THRB: variants seen among roughly 807,000 people sequenced by gnomAD.
The protein encoded by THRB is thyroid hormone receptor beta.
THRB carries 12 observed loss-of-function variants against 47.8 expected under a neutral mutation model. The observed-to-expected ratio is 0.25, with a 90% CI of 0.16 to 0.41. THRB has a LOEUF of 0.41. Ranked by LOEUF, THRB falls within the 10% of genes least tolerant of loss-of-function variation. THRB has a pLI of 1.00. For synonymous variants in THRB, 218 were observed against 212.2 expected, an observed-to-expected ratio of 1.03 and a Z score of -0.24; for missense variants, 348 against 589.2, an observed-to-expected ratio of 0.59 and a Z score of 4.24.
intron 3 of THRB, among the ~76,000 whole-genome samples, chr3:24,280,173 T>C (rs1227987935): frequency 1.3e-5 from 2 of 151,996 alleles, no homozygotes; most frequent in Non-Finnish European, 2.9e-5. Context: ...AGAAGATGGG[T>C]GATTTCTGCA....
chr3:24,166,367 T>C (rs1002143878), intron 5 of THRB, among the ~76,000 whole-genome samples: 1 of 152,196 alleles, frequency 6.6e-6, no homozygotes, highest in Non-Finnish European at 1.5e-5. Flanking sequence ...TGGAAAACTG[T>C]AAACACTTAC....
At chr3:24,480,869 G>A (rs1423853755) in intron 1 of THRB, among the ~76,000 whole-genome samples, 2 of 152,178 alleles carry the variant, frequency 1.3e-5, no homozygotes, top group Non-Finnish European at 2.9e-5. Context: ...TGTGAAAGCT[G>A]CCACAGGAGC....
chr3:24,345,025 C>T (rs1272297293), intron 1 of THRB, among the ~76,000 whole-genome samples: 1 of 152,034 alleles, frequency 6.6e-6, no homozygotes, highest in Non-Finnish European at 1.5e-5. Context: ...CTGGATGAAG[C>T]CAAGGTTTGC....
intron 1 of THRB, among the ~76,000 whole-genome samples, chr3:24,394,926 A>G (rs1215269937): frequency 6.6e-6 from 1 of 152,136 alleles, no homozygotes; most frequent in Non-Finnish European, 1.5e-5. Flanking sequence ...ATACCAGTGT[A>G]TAGACACTCT....
At chr3:24,266,202 T>G (rs862247) in intron 3 of THRB, among the ~76,000 whole-genome samples, 1 of 152,202 alleles carries the variant, frequency 6.6e-6, no homozygotes, top group South Asian at 2.1e-4. Context: ...ACTTAATGAA[T>G]GAACAAAAAC....
intron 3 of THRB, among the ~76,000 whole-genome samples, chr3:24,288,362 C>G (rs1316141979): frequency 6.6e-6 from 1 of 152,218 alleles, no homozygotes; most frequent in Non-Finnish European, 1.5e-5. Context: ...ACATTCCATA[C>G]TACCTAGAAA....
At position 24,123,212 on chromosome 3, in the gene THRB, C is replaced by T. The variant is rs577672473; in HGVS notation, c.1145-87G>A. Reference sequence around the variant, plus strand: ...CCAATTCCAGGCCTTTATTGGGGGGCGGGCAGATCTAGGGTCTTCCCTCTT... The same window carrying T: ...CCAATTCCAGGCCTTTATTGGGGGGTGGGCAGATCTAGGGTCTTCCCTCTT... On this transcript the variant is annotated intron_variant, in intron 10 of 10. Coordinates refer to ENST00000646209, the MANE Select transcript of THRB (RefSeq NM_001354712.2). 187 of 1,587,498 alleles carry T rather than the reference C, an allele frequency of 1.2e-4. 2 individuals carry two copies. In the South Asian group the frequency reaches 1.5e-3, roughly 13 times the overall value.
intron 3 of THRB, among the ~76,000 whole-genome samples, chr3:24,261,628 T>C (rs567253647): frequency 3.5e-4 from 53 of 152,264 alleles, no homozygotes; most frequent in Non-Finnish European, 6.8e-4. Flanking sequence ...ATTTCTTTCC[T>C]GCCTTTTTCT....
intron 1 of THRB, among the ~76,000 whole-genome samples, chr3:24,435,400 G>C (rs1013341149): frequency 6.6e-6 from 1 of 152,162 alleles, no homozygotes; most frequent in Non-Finnish European, 1.5e-5. Context: ...GATGCGGAAA[G>C]ATGGACATGG....
At chr3:24,387,481 C>T (rs897951150) in intron 1 of THRB, among the ~76,000 whole-genome samples, 1 of 152,118 alleles carries the variant, frequency 6.6e-6, no homozygotes, top group African/African-American at 2.4e-5. Flanking sequence ...ATCAAAGTAG[C>T]CTCCCAAAAC....
At chr3:24,152,151 T>C (rs1050641019) in intron 6 of THRB, among the ~76,000 whole-genome samples, 5 of 152,240 alleles carry the variant, frequency 3.3e-5, no homozygotes, top group Admixed American at 3.3e-4. Context: ...TTAAAAACAC[T>C]TGCAGAAGTA....
chr3:24,203,026 T>C lies in THRB; in HGVS notation c.23-12692A>G, dbSNP rs1221812539. On this transcript the variant is annotated intron_variant, in intron 4 of 10. Coordinates refer to ENST00000646209, the MANE Select transcript of THRB (RefSeq NM_001354712.2). The stretch of plus-strand genomic sequence containing the variant: ...ACTATGGGCCATTTCGGCAGGACTA[T>C]TGCTTTGAGAGAGGTTCATCTATTT... 2.6e-5 allele frequency among the ~76,000 whole-genome samples: 4 copies of C among 152,212 alleles called. No homozygotes were observed. In the East Asian group the frequency reaches 5.8e-4, roughly 22 times the overall value.
intron 3 of THRB, among the ~76,000 whole-genome samples, chr3:24,270,365 C>T (rs891461926): frequency 2.6e-5 from 4 of 152,172 alleles, no homozygotes; most frequent in African/African-American, 7.2e-5. Flanking sequence ...CCCTGACTCA[C>T]TTTAAAAATG....
intron 6 of THRB, among the ~76,000 whole-genome samples, chr3:24,147,562 C>A (rs926200279): frequency 6.6e-6 from 1 of 152,162 alleles, no homozygotes; most frequent in Non-Finnish European, 1.5e-5. Flanking sequence ...CATGAGAGAG[C>A]ACCTCTGTAG....
intron 1 of THRB, among the ~76,000 whole-genome samples, chr3:24,428,887 CAAAAA>C (rs61288447): frequency 2.1e-5 from 3 of 146,030 alleles, no homozygotes; most frequent in Non-Finnish European, 3.0e-5. Flanking sequence ...GAAGGTAAGC[CAAAAA>C]AAAAAAAAAG....
chr3:24,405,167 T>G (rs1028668675), intron 1 of THRB, among the ~76,000 whole-genome samples: 8 of 152,002 alleles, frequency 5.3e-5, no homozygotes, highest in African/African-American at 1.9e-4. Context: ...GAGCATCCTG[T>G]TTCTCAACAA....
chr3:24,311,349 A>T (rs2057745009), intron 2 of THRB, among the ~76,000 whole-genome samples: 3 of 152,164 alleles, frequency 2.0e-5, no homozygotes, highest in Admixed American at 1.3e-4. Context: ...AACTTGCTTG[A>T]CATCTTGGCC....
intron 1 of THRB, among the ~76,000 whole-genome samples, chr3:24,362,710 A>G (rs2064160809): frequency 6.6e-6 from 1 of 152,206 alleles, no homozygotes; most frequent in African/African-American, 2.4e-5. Flanking sequence ...AAATTAATGA[A>G]TTTAATCCTC....
chr3:24,203,683 G>A (rs886321703), intron 4 of THRB, among the ~76,000 whole-genome samples: 4 of 152,192 alleles, frequency 2.6e-5, no homozygotes, highest in Non-Finnish European at 2.9e-5. Flanking sequence ...GCAGCCCACT[G>A]AGTGTGAGCC....
Sources: allele counts gnomAD v4.1 joint callset (sites outside exome capture counted in the v4.1 genomes callset), GRCh38; gene constraint gnomAD v4.1.1; transcripts MANE v1.5; gene names NCBI Gene and HGNC (gene_info 2026-07-23, HGNC 2026-07-21).